CHSY1: variants seen among roughly 807,000 people sequenced by gnomAD.
CHSY1 encodes the protein chondroitin sulfate synthase 1, also known as N-acetylgalactosaminyl-proteoglycan 3-beta-glucuronosyltransferase 1.
A neutral mutation model predicts 59.8 loss-of-function variants in CHSY1; 13 were observed. That is an observed-to-expected ratio of 0.22 (90% confidence interval 0.14 to 0.35). The LOEUF is 0.35. Ranked by LOEUF, CHSY1 falls within the 10% of genes least tolerant of loss-of-function variation. CHSY1 has a pLI of 1.00. For synonymous variants in CHSY1, 459 were observed against 401.2 expected, an observed-to-expected ratio of 1.14 and a Z score of -1.72; for missense variants, 947 against 1,030.6, an observed-to-expected ratio of 0.92 and a Z score of 1.11.
chr15:101,237,430 T>C (rs965378906), intron 1 of CHSY1, among the ~76,000 whole-genome samples: 3 of 152,092 alleles, frequency 2.0e-5, no homozygotes, highest in Admixed American at 2.0e-4. Flanking sequence ...GGAAGACCAC[T>C]GAGTAAACTA....
In CHSY1 at chr15:101,176,482, C is replaced by G. The variant is rs2141233225; in HGVS notation, c.*906G>C. ...GAGAAGGGTCAAGAAGAGAAAATGCCAAATCCTTCTTGAAATTTAATGCCA... is the reference window on the plus strand; with the variant it reads ...GAGAAGGGTCAAGAAGAGAAAATGCGAAATCCTTCTTGAAATTTAATGCCA... On this transcript the variant is annotated 3_prime_UTR_variant, in exon 3 of 3. Transcript: ENST00000254190. 1 of 398,232 alleles carries G rather than the reference C, an allele frequency of 2.5e-6. No individual in the cohort carries two copies. The highest frequency in any genetic ancestry group is 2.1e-5 in the African/African-American group (1 of 48,690). 24.7% of individuals were successfully genotyped at this position (398,232 alleles called of 1,614,324 possible). A position where few individuals can be genotyped will look rare whatever the true frequency, so the allele number is the denominator to read the frequency against.
chr15:101,199,758 C>A (rs773618124), intron 2 of CHSY1, among the ~76,000 whole-genome samples: 1 of 152,184 alleles, frequency 6.6e-6, no homozygotes, highest in African/African-American at 2.4e-5. Context: ...AAACACGACG[C>A]ACCAGATTCT....
At chr15:101,228,882 G>A (rs2038866382) in intron 2 of CHSY1, among the ~76,000 whole-genome samples, 1 of 152,144 alleles carries the variant, frequency 6.6e-6, no homozygotes, top group Admixed American at 6.5e-5. Context: ...TAAAAGATAA[G>A]TACATAAAGC....
At chr15:101,242,032 G>C (rs1012341068) in intron 1 of CHSY1, among the ~76,000 whole-genome samples, 5 of 152,052 alleles carry the variant, frequency 3.3e-5, no homozygotes, top group Non-Finnish European at 5.9e-5. Flanking sequence ...GTATTTACTT[G>C]TATTGTTTTT....
intron 2 of CHSY1, among the ~76,000 whole-genome samples, chr15:101,211,070 T>C (rs1187022316): frequency 6.6e-6 from 1 of 152,234 alleles, no homozygotes; most frequent in Non-Finnish European, 1.5e-5. Context: ...AGGCCTGTAA[T>C]CCCAGCACTT....
intron 2 of CHSY1, among the ~76,000 whole-genome samples, chr15:101,180,406 G>C (rs2038261630): frequency 6.6e-6 from 1 of 152,114 alleles, no homozygotes; most frequent in South Asian, 2.1e-4. Context: ...GTGCACGCAT[G>C]GACTTACCAC....
At chr15:101,180,674 G>T (rs2038264866) in intron 2 of CHSY1, among the ~76,000 whole-genome samples, 1 of 152,096 alleles carries the variant, frequency 6.6e-6, no homozygotes, top group Non-Finnish European at 1.5e-5. Context: ...AAGTAACCTG[G>T]GGCTTGCTGA....
At chr15:101,192,909 T>A (rs8036393) in intron 2 of CHSY1, among the ~76,000 whole-genome samples, 61 of 152,142 alleles carry the variant, frequency 4.0e-4, no homozygotes, top group Middle Eastern at 3.4e-3. Context: ...GGCACCCAAT[T>A]TTAAAAAATG....
At position 101,176,573 on chromosome 15, in the gene CHSY1, C is replaced by T. The variant is rs1195559480; in HGVS notation, c.*815G>A. ...ATACCTCACTGTGCCTTCTTCACGCCCCTTGCTTTAAAACCTACGTGGCCA... is the reference window on the plus strand; with the variant it reads ...ATACCTCACTGTGCCTTCTTCACGCTCCTTGCTTTAAAACCTACGTGGCCA... On this transcript the variant is annotated 3_prime_UTR_variant, in exon 3 of 3. Transcript: ENST00000254190. 2 of 395,294 alleles carry T rather than the reference C, an allele frequency of 5.1e-6. No individual in the cohort carries two copies. The highest frequency in any genetic ancestry group is 2.1e-5 in the African/African-American group (1 of 48,548). 24.5% of individuals were successfully genotyped at this position (395,294 alleles called of 1,614,324 possible).
intron 2 of CHSY1, 38 bp downstream of exon 2, chr15:101,235,044 A>G (rs372021507): frequency 6.2e-7 from 1 of 1,608,756 alleles, no homozygotes; most frequent in Non-Finnish European, 8.5e-7. Context: ...AAATTGACAA[A>G]ATTAAGTTTT....
In CHSY1 at chr15:101,176,464, G is replaced by A. The variant is rs894807623; in HGVS notation, c.*924C>T. 5 of 398,284 alleles carry A rather than the reference G, an allele frequency of 1.3e-5. No individual in the cohort carries two copies. Among genetic ancestry groups the A allele is most frequent in the African/African-American group, 8.2e-5 (4 of 48,590 alleles). 24.7% of individuals were successfully genotyped at this position (398,284 alleles called of 1,614,324 possible). On this transcript the variant is annotated 3_prime_UTR_variant, in exon 3 of 3. Transcript: ENST00000254190. Reference sequence around the variant, plus strand: ...AATATTTTACCCTTTAAAGAGAAGGGTCAAGAAGAGAAAATGCCAAATCCT... The same window carrying A: ...AATATTTTACCCTTTAAAGAGAAGGATCAAGAAGAGAAAATGCCAAATCCT...
chr15:101,180,999 C>T (rs2038270592), intron 2 of CHSY1, among the ~76,000 whole-genome samples: 2 of 152,298 alleles, frequency 1.3e-5, no homozygotes, highest in South Asian at 2.1e-4. Context: ...GCCATAAAAC[C>T]TTGAAGCAAA....
chr15:101,209,581 A>G (rs1427982442), intron 2 of CHSY1, among the ~76,000 whole-genome samples: 1 of 152,246 alleles, frequency 6.6e-6, no homozygotes, highest in Non-Finnish European at 1.5e-5. Flanking sequence ...CATGGGAAAA[A>G]AAAACCTGCT....
intron 2 of CHSY1, among the ~76,000 whole-genome samples, chr15:101,206,283 C>T (rs1434255247): frequency 6.6e-6 from 1 of 152,162 alleles, no homozygotes; most frequent in African/African-American, 2.4e-5. Context: ...AGGGAAAACC[C>T]ACCAGGTCTC....
At chr15:101,197,038 T>A (rs965456874) in intron 2 of CHSY1, among the ~76,000 whole-genome samples, 11 of 152,218 alleles carry the variant, frequency 7.2e-5, no homozygotes, top group African/African-American at 2.4e-4. Context: ...ATACAGATAC[T>A]CAAGAATCAC....
intron 2 of CHSY1, among the ~76,000 whole-genome samples, chr15:101,222,371 A>G (rs916416880): frequency 3.3e-5 from 5 of 152,210 alleles, no homozygotes; most frequent in African/African-American, 1.2e-4. Flanking sequence ...TTTAAAGAAG[A>G]ATTGTAAAGA....
In CHSY1 at chr15:101,177,623, T is replaced by C. The variant is rs1596418023; in HGVS notation, c.2174A>G (p.Asn725Ser). The change falls in exon 3 of 3, where the codon AAC becomes AGC. Residue 725 changes from asparagine (N) to serine (S), a missense_variant. Transcript: ENST00000254190. ...GWGLEDVDLFNKVVQAGLKTF... is the reference protein window; with the variant it reads ...GWGLEDVDLFSKVVQAGLKTF... ...CTTCAAACCTGCCTGGACAACCTTG[T>C]TGAAAAGGTCCACATCCTCCAGCCC... 1 of 1,614,196 alleles carries C rather than the reference T, an allele frequency of 6.2e-7. No homozygotes were observed. Among genetic ancestry groups the C allele is most frequent in the Admixed American group, 1.7e-5 (1 of 60,026 alleles).
rs1291930577 is a variant in CHSY1 at position 101,178,847 on chromosome 15, C to G, written c.950G>C (p.Ser317Thr). 6.2e-7 allele frequency: 1 copy of G among 1,614,174 alleles called. No individual in the cohort carries two copies. Among genetic ancestry groups the G allele is most frequent in the Admixed American group, 1.7e-5 (1 of 60,028 alleles). The change falls in exon 3 of 3, where the codon AGC becomes ACC. Residue 317 changes from serine (S) to threonine (T), a missense_variant. Transcript: ENST00000254190. ...GGATATCTTGCGGCTCAGCATGTAG[C>G]TGTGGAGCCTGTACTGGTAGGGTGG... ...KNPPYQYRLH[S>T]YMLSRKISEL...
chr15:101,251,213 G>T lies in CHSY1; in HGVS notation c.244C>A (p.Arg82Ser). 6.3e-7 allele frequency: 1 copy of T among 1,594,446 alleles called. No individual in the cohort carries two copies. ...CCCACGAAGAGAAAGTTCCTGTCGC[G>T]CGGGCCGCCATCTGGGTCCGAGCCG... is the stretch of plus-strand genomic sequence containing the variant. The part of the protein sequence containing the change: ...PPGSDPDGGP[R>S]DRNFLFVGVM... Residue 82 changes from arginine to serine, a missense_variant, in exon 1 of 3, where the codon CGC becomes AGC. Arg to Ser is a moderately radical substitution (Grantham distance 110, BLOSUM62 -1). Around this residue, in one of 4 missense-constraint regions of CHSY1, gnomAD observed 232 missense variants for 188.5 expected, o/e 1.23. Transcript: ENST00000254190.
Sources: allele counts gnomAD v4.1 joint callset (sites outside exome capture counted in the v4.1 genomes callset), GRCh38; gene constraint gnomAD v4.1.1; regional missense constraint gnomAD v4.1.1; transcripts MANE v1.5; gene names NCBI Gene and HGNC (gene_info 2026-07-23, HGNC 2026-07-21).